The following SMYD3 variants were observed in gnomAD, a reference collection of about 807,000 sequenced individuals.
SMYD3 encodes the protein histone-lysine N-methyltransferase SMYD3.
SMYD3 carries 36 observed loss-of-function variants against 57.7 expected under a neutral mutation model. The ratio of observed to expected loss-of-function variants is 0.62; its 90% CI spans 0.48 to 0.82. The LOEUF (loss-of-function observed/expected upper bound fraction) is 0.82, where lower values mean the gene tolerates loss of function less well. Ranked by LOEUF, SMYD3 falls within the 40% of genes least tolerant of loss-of-function variation. The probability of loss-of-function intolerance (pLI) is 0.00; values close to 1 mark genes in which losing one functional copy is unlikely to be tolerated. For synonymous variants in SMYD3, 211 were observed against 195.0 expected, an observed-to-expected ratio of 1.08 and a Z score of -0.68; for missense variants, 515 against 538.8, an observed-to-expected ratio of 0.96 and a Z score of 0.44.
chr1:245,985,996 C>T lies in SMYD3; in HGVS notation c.532-56059G>A, dbSNP rs79909676. ...TAATACCTGGCTCAAAATAGGAGCCCTACTAAAAAGTACTTTTATACAACA... is the reference window on the plus strand; with the variant it reads ...TAATACCTGGCTCAAAATAGGAGCCTTACTAAAAAGTACTTTTATACAACA... On this transcript the variant is annotated intron_variant, in intron 5 of 11. Transcript: ENST00000490107. Among the ~76,000 whole-genome samples the T allele has an allele frequency of 1.9e-3, 296 of 152,206 alleles. 1 individual carries two copies. Among genetic ancestry groups the T allele is most frequent in the Non-Finnish European group, 3.1e-3 (211 of 68,008 alleles).
chr1:246,168,744 T>C (rs920195605), intron 5 of SMYD3, among the ~76,000 whole-genome samples: 7 of 152,308 alleles, frequency 4.6e-5, no homozygotes, highest in Non-Finnish European at 1.0e-4. Flanking sequence ...GGAGGAATCA[T>C]GTCAAGCAGT....
chr1:245,885,181 G>T (rs549530321), intron 8 of SMYD3, among the ~76,000 whole-genome samples: 2 of 152,102 alleles, frequency 1.3e-5, no homozygotes, highest in African/African-American at 4.8e-5. Context: ...TGAACCCACC[G>T]GAAGGAAGAA....
intron 5 of SMYD3, among the ~76,000 whole-genome samples, chr1:246,205,875 T>G (rs2062992742): frequency 6.6e-6 from 1 of 152,144 alleles, no homozygotes. Context: ...GCTACACTCT[T>G]AAGGCAAGTT....
At chr1:246,442,529 T>C (rs2067485924) in intron 1 of SMYD3, among the ~76,000 whole-genome samples, 1 of 151,446 alleles carries the variant, frequency 6.6e-6, no homozygotes, top group African/African-American at 2.4e-5. Flanking sequence ...GGCTGGGCTA[T>C]AAGAGCGAAA....
chr1:246,461,397 A>G (rs749414089), intron 1 of SMYD3, among the ~76,000 whole-genome samples: 1 of 152,256 alleles, frequency 6.6e-6, no homozygotes, highest in Non-Finnish European at 1.5e-5. Context: ...TCCAAATTAT[A>G]TACATGTTAT....
At chr1:245,776,612 G>C (rs1006761604) in intron 10 of SMYD3, among the ~76,000 whole-genome samples, 2 of 152,202 alleles carry the variant, frequency 1.3e-5, no homozygotes, top group African/African-American at 4.8e-5. Flanking sequence ...CACTACAGAT[G>C]CCAAGTACTC....
chr1:245,969,455 G>C (rs905156436), intron 5 of SMYD3, among the ~76,000 whole-genome samples: 2 of 152,358 alleles, frequency 1.3e-5, no homozygotes, highest in Middle Eastern at 3.4e-3. Flanking sequence ...AGTCAGCTGA[G>C]TCTCATAGCC....
intron 1 of SMYD3, among the ~76,000 whole-genome samples, chr1:246,435,134 C>T (rs561956430): frequency 2.0e-5 from 3 of 152,130 alleles, no homozygotes; most frequent in Admixed American, 6.5e-5. Context: ...GACATAAAGA[C>T]GGCAACAATA....
Position 246,498,697 on chromosome 1 carries a change from C to T in SMYD3, c.164+8357G>A, listed in dbSNP as rs553440061. 2.2e-5 allele frequency among the ~76,000 whole-genome samples: 3 copies of T among 138,900 alleles called. No homozygotes were observed. The East Asian group carries it at 6.3e-4, about 29-fold the overall frequency. 91.1% of individuals were successfully genotyped at this position (138,900 alleles called of 152,430 possible). On this transcript the variant is annotated intron_variant, in intron 1 of 11. Transcript: ENST00000490107. ...AGTGAGCCGAGATCGCACCACTGCA[C>T]TTTAGCCTGGGCAACAGAGCAAGAC...
intron 1 of SMYD3, among the ~76,000 whole-genome samples, chr1:246,456,117 C>T (rs1280472622): frequency 1.4e-4 from 21 of 152,050 alleles, no homozygotes; most frequent in Admixed American, 1.2e-3. Context: ...TGTTGGTAAT[C>T]CCAAAGGAAT....
intron 5 of SMYD3, among the ~76,000 whole-genome samples, chr1:245,949,687 TAGTCCC>T (rs2057551788): frequency 6.6e-6 from 1 of 152,118 alleles, no homozygotes; most frequent in Non-Finnish European, 1.5e-5. Flanking sequence ...CACACACCTG[TAGTCCC>T]AGATACTTGA....
Position 246,457,947 on chromosome 1 carries a change from T to C in SMYD3, c.164+49107A>G, listed in dbSNP as rs1238420251. On this transcript the variant is annotated intron_variant, in intron 1 of 11. Coordinates refer to ENST00000490107, the MANE Select transcript of SMYD3 (RefSeq NM_001167740.2). ...CACTAGCATAAACTTTCCTATAGTA[T>C]TTTGTTCAAACTTGAGTTATGACAG... 2.6e-5 allele frequency among the ~76,000 whole-genome samples: 4 copies of C among 152,240 alleles called. No individual in the cohort carries two copies. The East Asian group carries it at 7.7e-4, about 29-fold the overall frequency.
At chr1:246,032,296 A>G (rs1289995268) in intron 5 of SMYD3, among the ~76,000 whole-genome samples, 1 of 152,172 alleles carries the variant, frequency 6.6e-6, no homozygotes, top group Non-Finnish European at 1.5e-5. Context: ...TCTCATAACC[A>G]TAAATGGCCT....
At chr1:246,145,701 G>A (rs964142602) in intron 5 of SMYD3, among the ~76,000 whole-genome samples, 1 of 152,150 alleles carries the variant, frequency 6.6e-6, no homozygotes, top group Non-Finnish European at 1.5e-5. Context: ...CCTGAGAAAA[G>A]CAGCTAATTA....
chr1:246,023,221 G>T (rs954163045), intron 5 of SMYD3, among the ~76,000 whole-genome samples: 4 of 152,204 alleles, frequency 2.6e-5, no homozygotes, highest in African/African-American at 9.6e-5. Flanking sequence ...CCAAGCTCTT[G>T]CTAATCAGTG....
At chr1:246,094,606 T>C (rs2060881063) in intron 5 of SMYD3, among the ~76,000 whole-genome samples, 1 of 152,174 alleles carries the variant, frequency 6.6e-6, no homozygotes, top group Admixed American at 6.5e-5. Flanking sequence ...CTCTGGGTTG[T>C]AACAAGGTCA....
In SMYD3 at chr1:246,335,460, T is replaced by C. The variant is rs747600432; in HGVS notation, c.243A>G (p.Pro81=). Residue 81 remains proline, a synonymous_variant, in exon 3 of 12, where the codon CCA becomes CCG. Coordinates refer to ENST00000490107, the MANE Select transcript of SMYD3 (RefSeq NM_001167740.2). Reference sequence around the variant, plus strand: ...GGCATTTGCATTCCCGCTTGTGGTCTGGCCAAGCTTTTTTCTATTAAAACA... The same window carrying C: ...GGCATTTGCATTCCCGCTTGTGGTCCGGCCAAGCTTTTTTCTATTAAAACA... The part of the protein sequence containing the change: ...CSAKCQKKAW[P]DHKRECKCLK... 1.9e-6 allele frequency: 3 copies of C among 1,614,034 alleles called. No individual in the cohort carries two copies. Among genetic ancestry groups the C allele is most frequent in the Admixed American group, 3.3e-5 (2 of 59,996 alleles).
chr1:246,391,746 G>A (rs924535647), intron 1 of SMYD3, among the ~76,000 whole-genome samples: 4 of 152,060 alleles, frequency 2.6e-5, no homozygotes, highest in Non-Finnish European at 4.4e-5. Context: ...AGGAGAGAGG[G>A]AAGAATTTTC....
At chr1:245,952,615 A>G (rs2057695150) in intron 5 of SMYD3, among the ~76,000 whole-genome samples, 2 of 152,238 alleles carry the variant, frequency 1.3e-5, no homozygotes, top group South Asian at 4.1e-4. Context: ...ACCTAACTTG[A>G]GAAGATTGTG....
Sources: allele counts gnomAD v4.1 joint callset (sites outside exome capture counted in the v4.1 genomes callset), GRCh38; gene constraint gnomAD v4.1.1; transcripts MANE v1.5; gene names NCBI Gene and HGNC (gene_info 2026-07-23, HGNC 2026-07-21).